OTOP2: variants seen among roughly 807,000 people sequenced by gnomAD.
The protein encoded by OTOP2 is proton channel OTOP2.
In OTOP2, 41 loss-of-function variants were observed where a neutral mutation model predicts 47.4. The observed-to-expected ratio is 0.87, with a 90% CI of 0.67 to 1.12. The LOEUF is 1.12. OTOP2 is among the 50% of genes most tolerant of loss of function. The pLI, the probability that OTOP2 is intolerant of heterozygous loss-of-function variation, is 0.00. For synonymous variants in OTOP2, 328 were observed against 319.6 expected (o/e 1.03, Z -0.28); for missense variants, 721 against 752.2 (o/e 0.96, Z 0.49).
chr17:74,927,982 A>G (rs1203925495), intron 5 of OTOP2, 184 bp downstream of exon 5: 2 of 785,970 alleles, frequency 2.5e-6, no homozygotes, highest in Non-Finnish European at 3.9e-6. Context: ...GAAGGGAAGT[A>G]TCAGGGGTAC....
chr17:74,924,822 G>C lies in OTOP2; in HGVS notation c.190G>C (p.Ala64Pro). The change falls in exon 2 of 7, where the codon GCG becomes CCG. Residue 64 changes from alanine (A) to proline (P), a missense_variant. Physicochemically the swap from Ala to Pro is conservative, Grantham distance 27. Coordinates refer to ENST00000331427, the MANE Select transcript of OTOP2 (RefSeq NM_178160.3). This position sits in a 1 kb window ranked among gnomAD's most constrained non-coding sequence, Gnocchi z 7.7. ...KVAVYDTDVFALLTAMMLLAT... is the reference protein window; with the variant it reads ...KVAVYDTDVFPLLTAMMLLAT... The stretch of plus-strand genomic sequence containing the variant: ...GGCCGTGTACGACACCGACGTGTTC[G>C]CGCTGCTCACTGCGATGATGCTGCT... 6.2e-7 allele frequency: 1 copy of C among 1,611,230 alleles called. No individual in the cohort carries two copies. Among genetic ancestry groups the C allele is most frequent in the African/African-American group, 1.3e-5 (1 of 75,042 alleles).
rs751326646 is a variant in OTOP2, at chr17:74,924,853, C to T, written c.221C>T (p.Thr74Met). ...ALLTAMMLLA[T>M]LWILFYLLRT... Reference sequence around the variant, plus strand: ...CTCACTGCGATGATGCTGCTGGCAACGCTCTGGATCCTCTTCTACCTCCTC... The same window carrying T: ...CTCACTGCGATGATGCTGCTGGCAATGCTCTGGATCCTCTTCTACCTCCTC... The change falls in exon 2 of 7, where the codon ACG becomes ATG. Residue 74 changes from threonine (T) to methionine (M), a missense_variant. Coordinates refer to ENST00000331427, the MANE Select transcript of OTOP2 (RefSeq NM_178160.3). This position sits in a 1 kb window ranked among gnomAD's most constrained non-coding sequence, Gnocchi z 7.7. 3 of 1,607,982 alleles carry T rather than the reference C, an allele frequency of 1.9e-6. No homozygotes were observed. Among genetic ancestry groups the T allele is most frequent in the Non-Finnish European group, 2.5e-6 (3 of 1,177,632 alleles).
chr17:74,928,887 C>A (rs2039032341), intron 5 of OTOP2, among the ~76,000 whole-genome samples: 1 of 152,132 alleles, frequency 6.6e-6, no homozygotes, highest in Non-Finnish European at 1.5e-5. Context: ...GACCCCAGCC[C>A]AGCAAGCCTT....
At position 74,924,821 on chromosome 17, in the gene OTOP2, C is replaced by T. The variant is rs2038989907; in HGVS notation, c.189C>T (p.Phe63=). The change falls in exon 2 of 7, where the codon TTC becomes TTT. Residue 63 remains phenylalanine (F), a synonymous_variant. Coordinates refer to ENST00000331427, the MANE Select transcript of OTOP2 (RefSeq NM_178160.3). The surrounding 1 kb of genome is among the most constrained non-coding windows in gnomAD (Gnocchi z 7.7). ...TGGCCGTGTACGACACCGACGTGTT[C>T]GCGCTGCTCACTGCGATGATGCTGC... ...NKVAVYDTDV[F]ALLTAMMLLA... The T allele has an allele frequency of 6.2e-7, 1 of 1,611,236 alleles. No individual in the cohort carries two copies. Among genetic ancestry groups the T allele is most frequent in the Non-Finnish European group, 8.5e-7 (1 of 1,178,964 alleles).
At position 74,930,452 on chromosome 17, in the gene OTOP2, C is replaced by T. The variant is rs199935555; in HGVS notation, c.817C>T (p.Pro273Ser). The change falls in exon 6 of 7, where the codon CCT becomes TCT. Residue 273 changes from proline to serine, a missense_variant. Pro to Ser is a moderately conservative substitution (Grantham distance 74, BLOSUM62 -1). Transcript: ENST00000331427. The surrounding 1 kb of genome is among the most constrained non-coding windows in gnomAD (Gnocchi z 4.0). ...TGTGGGTAGATTCCTGGCCTCCACC[C>T]CTGGCCACAGCCACACCCCAACCCC... Reference protein sequence around the residue: ...KNVGRFLASTPGHSHTPTPVS... With the variant: ...KNVGRFLASTSGHSHTPTPVS... 6 of 1,614,212 alleles carry T rather than the reference C, an allele frequency of 3.7e-6. No homozygotes were observed. In the East Asian group the frequency reaches 1.1e-4, roughly 30 times the overall value.
chr17:74,933,496 A>G lies in OTOP2; in HGVS notation c.1640A>G (p.Tyr547Cys). ...ATCTGCCTCCCTTTCGGCATCTTCT[A>G]CCGCATGCACGCTGTGTCCAGCCTG... ...VNICLPFGIF[Y>C]RMHAVSSLLE... Residue 547 changes from tyrosine (Y) to cysteine (C), a missense_variant, in exon 7 of 7, where the codon TAC becomes TGC. Tyr to Cys is a radical substitution (Grantham distance 194). Coordinates refer to ENST00000331427, the MANE Select transcript of OTOP2 (RefSeq NM_178160.3). This position sits in a 1 kb window ranked among gnomAD's most constrained non-coding sequence, Gnocchi z 4.7. 6.2e-7 allele frequency: 1 copy of G among 1,613,906 alleles called. No individual in the cohort carries two copies. The highest frequency in any genetic ancestry group is 8.5e-7 in the Non-Finnish European group (1 of 1,179,914).
At position 74,927,252 on chromosome 17, in the gene OTOP2, C is replaced by T; in HGVS notation, c.480C>T (p.Asp160=). 6.2e-7 allele frequency: 1 copy of T among 1,613,708 alleles called. No individual in the cohort carries two copies. Among genetic ancestry groups the T allele is most frequent in the Non-Finnish European group, 8.5e-7 (1 of 1,179,642 alleles). Residue 160 remains aspartate (D), a synonymous_variant, in exon 4 of 7, where the codon GAC becomes GAT. Coordinates refer to ENST00000331427, the MANE Select transcript of OTOP2 (RefSeq NM_178160.3). ...ACTTTCTCTGGGTCTCTGCTAAAGA[C>T]TGCGTTCACGTCCACCTGGATCTGA... ...QTYFLWVSAK[D]CVHVHLDLTW...
chr17:74,926,743 TTTC>T (rs1280547104), intron 3 of OTOP2, among the ~76,000 whole-genome samples: 1 of 152,022 alleles, frequency 6.6e-6, no homozygotes, highest in Non-Finnish European at 1.5e-5. Context: ...CTAATTTTTT[TTTC>T]TTTTTTCTTT....
chr17:74,932,083 A>G (rs1292223371), intron 6 of OTOP2, among the ~76,000 whole-genome samples: 1 of 152,022 alleles, frequency 6.6e-6, no homozygotes, highest in Non-Finnish European at 1.5e-5. Flanking sequence ...TGGTGTTTCT[A>G]GTACAACCCA....
intron 2 of OTOP2, 90 bp downstream of exon 2, chr17:74,925,035 A>C (rs1257364378): frequency 8.5e-6 from 12 of 1,404,470 alleles, no homozygotes; most frequent in Non-Finnish European, 9.4e-7. Flanking sequence ...GCAGATTGAC[A>C]TACGAGGGCG....
chr17:74,927,897 A>AG, intron 5 of OTOP2, 99 bp downstream of exon 5: 1 of 1,452,948 alleles, frequency 6.9e-7, no homozygotes, highest in Non-Finnish European at 9.3e-7. Flanking sequence ...ATGAGGGCAT[A>AG]GAGGCAAAGG....
At position 74,924,613 on chromosome 17, in the gene OTOP2, C is replaced by A. The variant is rs1226306651; in HGVS notation, c.-20C>A. 2.6e-6 allele frequency: 4 copies of A among 1,541,604 alleles called. No homozygotes were observed. Among genetic ancestry groups the A allele is most frequent in the Non-Finnish European group, 3.5e-6 (4 of 1,150,458 alleles). ...CCTCCCCTACAGTGATCCCTCTAGC[C>A]TTCTCCAGTCGCCTCCGCCATGTCC... On this transcript the variant is annotated 5_prime_UTR_variant, in exon 2 of 7. Transcript: ENST00000331427. The surrounding 1 kb of genome is among the most constrained non-coding windows in gnomAD (Gnocchi z 7.7).
At chr17:74,928,980 C>T (rs1356217029) in intron 5 of OTOP2, among the ~76,000 whole-genome samples, 2 of 152,170 alleles carry the variant, frequency 1.3e-5, no homozygotes, top group African/African-American at 4.8e-5. Context: ...TGGGGGCCTG[C>T]AGGCTGGAGA....
chr17:74,932,202 A>G (rs987462783), intron 6 of OTOP2, among the ~76,000 whole-genome samples: 3 of 152,328 alleles, frequency 2.0e-5, no homozygotes, highest in Admixed American at 1.3e-4. Context: ...GTTTCACTCA[A>G]TAGAAAAACA....
At position 74,925,147 on chromosome 17, in the gene OTOP2, G is replaced by T. The variant is rs1465705131; in HGVS notation, c.313+202G>T. On this transcript the variant is annotated intron_variant, in intron 2 of 6. Transcript: ENST00000331427. Reference sequence around the variant, plus strand: ...GTCCTGGGGGAGGGATGAATAGAGGGATGGAAGGGGACCTCTTTGCCCCCG... The same window carrying T: ...GTCCTGGGGGAGGGATGAATAGAGGTATGGAAGGGGACCTCTTTGCCCCCG... 3.9e-5 allele frequency among the ~76,000 whole-genome samples: 6 copies of T among 152,240 alleles called. No homozygotes were observed. In the East Asian group the frequency reaches 9.6e-4, roughly 24 times the overall value.
rs1006500925 is a variant in OTOP2, at chr17:74,933,582, G to A, written c.*37G>A. ...GAGGCATGGGGGGCAGGAAGAGGGG[G>A]CTCAGCTCATGTGCCCACTCAGACA... is the stretch of plus-strand genomic sequence containing the variant. On this transcript the variant is annotated 3_prime_UTR_variant, in exon 7 of 7. Transcript: ENST00000331427. This position sits in a 1 kb window ranked among gnomAD's most constrained non-coding sequence, Gnocchi z 4.7. 1.3e-6 allele frequency: 2 copies of A among 1,549,558 alleles called. No homozygotes were observed. Among genetic ancestry groups the A allele is most frequent in the Non-Finnish European group, 1.8e-6 (2 of 1,137,104 alleles).
Position 74,933,632 on chromosome 17 carries a change from G to A in OTOP2, c.*87G>A. On this transcript the variant is annotated 3_prime_UTR_variant, in exon 7 of 7. Coordinates refer to ENST00000331427, the MANE Select transcript of OTOP2 (RefSeq NM_178160.3). The surrounding 1 kb of genome is among the most constrained non-coding windows in gnomAD (Gnocchi z 4.7). ...ACCCTCTGGGAATGAATCCCAGCTG[G>A]TGCCATATGACAGCCCATTTCCTTC... 1 of 1,401,614 alleles carries A rather than the reference G, an allele frequency of 7.1e-7. No homozygotes were observed. The highest frequency in any genetic ancestry group is 9.6e-7 in the Non-Finnish European group (1 of 1,042,812). The allele number at this position is 1,401,614 out of a possible 1,614,324, so 86.8% of individuals were successfully genotyped here. A position where few individuals can be genotyped will look rare whatever the true frequency, so the allele number is the denominator to read the frequency against.
At chr17:74,925,762 G>C (rs891846391) in intron 3 of OTOP2, 70 bp downstream of exon 3, 2 of 1,598,078 alleles carry the variant, frequency 1.3e-6, no homozygotes, top group Non-Finnish European at 1.7e-6. Flanking sequence ...ACCCAACAAG[G>C]GGTCGGAGAC....
chr17:74,927,238 G>T lies in OTOP2; in HGVS notation c.466G>T (p.Val156Phe). 4 of 1,613,380 alleles carry T rather than the reference G, an allele frequency of 2.5e-6. No individual in the cohort carries two copies. The highest frequency in any genetic ancestry group is 3.4e-6 in the Non-Finnish European group (4 of 1,179,324). ...CTCCATACAGACCTACTTTCTCTGGGTCTCTGCTAAAGACTGCGTTCACGT... is the reference window on the plus strand; with the variant it reads ...CTCCATACAGACCTACTTTCTCTGGTTCTCTGCTAAAGACTGCGTTCACGT... Reference protein sequence around the residue: ...FVIIQTYFLWVSAKDCVHVHL... With the variant: ...FVIIQTYFLWFSAKDCVHVHL... Residue 156 changes from valine (V) to phenylalanine (F), a missense_variant, in exon 4 of 7, where the codon GTC becomes TTC. Physicochemically the swap from Val to Phe is conservative, Grantham distance 50. Coordinates refer to ENST00000331427, the MANE Select transcript of OTOP2 (RefSeq NM_178160.3).
Sources: gnomAD v4.1 joint callset for allele counts (sites outside exome capture counted in the v4.1 genomes callset) on GRCh38, gnomAD v4.1.1 for gene constraint, Gnocchi (gnomAD v3.1) non-coding constraint, MANE v1.5 for transcripts, NCBI Gene and HGNC (gene_info 2026-07-23, HGNC 2026-07-21) for gene names.